RBFOX1: variants seen among roughly 807,000 people sequenced by gnomAD.
RBFOX1 encodes the protein RNA binding fox-1 homolog 1.
RBFOX1 carries 8 observed loss-of-function variants against 57.7 expected under a neutral mutation model. The observed-to-expected ratio is 0.14, with a 90% CI of 0.08 to 0.25. RBFOX1 has a LOEUF of 0.25. RBFOX1 is among the 10% of genes least tolerant of loss of function. The probability of loss-of-function intolerance (pLI) is 1.00; values close to 1 mark genes in which losing one functional copy is unlikely to be tolerated. For synonymous variants in RBFOX1, 326 were observed against 222.4 expected (o/e 1.47, Z -4.15); for missense variants, 611 against 548.5 (o/e 1.11, Z -1.14).
intron 2 of RBFOX1, among the ~76,000 whole-genome samples, chr16:5,546,036 G>T (rs1025323247): frequency 4.6e-5 from 7 of 151,734 alleles, no homozygotes; most frequent in African/African-American, 1.7e-4. Context: ...TAACAATAAA[G>T]AACTGAAAAT....
At chr16:6,906,638 A>C (rs1364865995) in intron 3 of RBFOX1, among the ~76,000 whole-genome samples, 1 of 152,122 alleles carries the variant, frequency 6.6e-6, no homozygotes, top group Non-Finnish European at 1.5e-5. Flanking sequence ...GGACAGGAAC[A>C]GCGTTTTCTT....
At chr16:7,599,643 TTTTTTTTC>T (rs1322983976) in intron 9 of RBFOX1, among the ~76,000 whole-genome samples, 4 of 34,652 alleles carry the variant, frequency 1.2e-4, no homozygotes, top group South Asian at 1.0e-3. Flanking sequence ...AAAGACTTTT[TTTTTTTTC>T]TTTTTTTTTT....
At chr16:7,181,044 A>G (rs559442059) in intron 4 of RBFOX1, among the ~76,000 whole-genome samples, 19 of 152,356 alleles carry the variant, frequency 1.2e-4, no homozygotes, top group Non-Finnish European at 1.3e-4. Context: ...TTTTAACCAC[A>G]GTCAGCGAGG....
intron 3 of RBFOX1, among the ~76,000 whole-genome samples, chr16:6,963,913 C>T (rs1476609521): frequency 7.2e-5 from 11 of 151,974 alleles, no homozygotes; most frequent in South Asian, 2.1e-4. Flanking sequence ...TTAGCCAAGA[C>T]GGTGTCGATC....
intron 4 of RBFOX1, among the ~76,000 whole-genome samples, chr16:7,165,285 A>C (rs1276748292): frequency 6.6e-6 from 1 of 151,748 alleles, no homozygotes; most frequent in Non-Finnish European, 1.5e-5. Context: ...AGAGAGGGTG[A>C]CACACCTTGC....
rs759478221 is a variant in RBFOX1 at position 5,946,599 on chromosome 16, C to G, written c.351+79264C>G. On this transcript the variant is annotated intron_variant, in intron 4 of 19. Coordinates refer to the RBFOX1 transcript ENST00000641259. The surrounding 1 kb of genome is among the most constrained non-coding windows in gnomAD (Gnocchi z 4.6). The stretch of plus-strand genomic sequence containing the variant: ...CCTGAGTTATATCCTTTACGATATA[C>G]CGGTAATAGTAATTTCCTAAATTCT... 1.3e-5 allele frequency among the ~76,000 whole-genome samples: 2 copies of G among 152,160 alleles called. No homozygotes were observed. Among genetic ancestry groups the G allele is most frequent in the Non-Finnish European group, 2.9e-5 (2 of 68,028 alleles).
At chr16:5,739,398 T>C (rs1278382749) in intron 3 of RBFOX1, among the ~76,000 whole-genome samples, 2 of 152,318 alleles carry the variant, frequency 1.3e-5, no homozygotes, top group South Asian at 2.1e-4. Flanking sequence ...ATCTGTGCCA[T>C]TGTGGCACTT....
At chr16:7,410,185 G>T (rs561452125) in intron 4 of RBFOX1, among the ~76,000 whole-genome samples, 10 of 116,796 alleles carry the variant, frequency 8.6e-5, no homozygotes, top group African/African-American at 2.7e-4. Flanking sequence ...ACACATAATA[G>T]CTCATCTGCG....
chr16:7,394,064 C>G (rs1023342547), intron 4 of RBFOX1, among the ~76,000 whole-genome samples: 1 of 151,676 alleles, frequency 6.6e-6, no homozygotes, highest in South Asian at 2.1e-4. Context: ...GGTGAAACCC[C>G]ATCTCTACGA....
chr16:7,410,630 T>C (rs111581842), intron 4 of RBFOX1, among the ~76,000 whole-genome samples: 49,308 of 152,140 alleles, frequency 0.32, 9,355 homozygotes, highest in East Asian at 0.6. Flanking sequence ...TGAGCCAAGA[T>C]TGTGCCATTG....
At chr16:6,340,258 G>A (rs2084362229) in intron 2 of RBFOX1, among the ~76,000 whole-genome samples, 2 of 152,168 alleles carry the variant, frequency 1.3e-5, no homozygotes, top group Non-Finnish European at 1.5e-5. Flanking sequence ...GGGACAGGAA[G>A]TATAGGGGTT....
intron 4 of RBFOX1, among the ~76,000 whole-genome samples, chr16:7,469,044 C>T (rs1011938556): frequency 6.6e-6 from 1 of 152,082 alleles, no homozygotes; most frequent in African/African-American, 2.4e-5. Flanking sequence ...CACCATTTTC[C>T]TGCCTCAGCC....
chr16:7,610,118 C>CTTTTTTTGTTTTTTTT (rs2057157694), intron 10 of RBFOX1, among the ~76,000 whole-genome samples: 1 of 65,622 alleles, frequency 1.5e-5, no homozygotes, highest in African/African-American at 8.0e-5. Flanking sequence ...GCCCGGCCCC[C>CTTTTTTTGTTTTTTTT]TTTTTTTTTT....
chr16:6,943,944 C>T (rs1043687715), intron 3 of RBFOX1, among the ~76,000 whole-genome samples: 1 of 152,176 alleles, frequency 6.6e-6, no homozygotes, highest in Non-Finnish European at 1.5e-5. Context: ...CCTGGAGTCT[C>T]TCTGAATCTG....
At chr16:5,683,677 C>T (rs1017155332) in intron 3 of RBFOX1, among the ~76,000 whole-genome samples, 1 of 151,836 alleles carries the variant, frequency 6.6e-6, no homozygotes, top group African/African-American at 2.4e-5. Context: ...CCTCAGCTTA[C>T]ACACGGCCTA....
intron 3 of RBFOX1, among the ~76,000 whole-genome samples, chr16:5,775,870 G>A (rs1452124822): frequency 2.0e-5 from 3 of 152,160 alleles, no homozygotes; most frequent in African/African-American, 7.2e-5. Flanking sequence ...ACTATCGGAC[G>A]AGTCAGGGCC....
At chr16:7,398,796 G>A (rs7205414) in intron 4 of RBFOX1, among the ~76,000 whole-genome samples, 2 of 152,154 alleles carry the variant, frequency 1.3e-5, no homozygotes, top group Non-Finnish European at 2.9e-5. Flanking sequence ...TTCATTGTGG[G>A]GTTAGACTCC....
At chr16:6,103,908 G>A (rs2096346050) in intron 1 of RBFOX1, among the ~76,000 whole-genome samples, 1 of 152,106 alleles carries the variant, frequency 6.6e-6, no homozygotes. Context: ...TTCCAATTTG[G>A]AAGAAACTTT....
At chr16:5,288,515 G>T (rs1465868781) in intron 1 of RBFOX1, among the ~76,000 whole-genome samples, 1 of 151,896 alleles carries the variant, frequency 6.6e-6, no homozygotes, top group South Asian at 2.1e-4. Context: ...AAAACAAAAG[G>T]TCTTTGTGTC....
Sources: gnomAD v4.1 joint callset for allele counts (sites outside exome capture counted in the v4.1 genomes callset) on GRCh38, gnomAD v4.1.1 for gene constraint, Gnocchi (gnomAD v3.1) non-coding constraint, MANE v1.5 for transcripts, NCBI Gene and HGNC (gene_info 2026-07-23, HGNC 2026-07-21) for gene names.